ADGRB3: variants seen among roughly 807,000 people sequenced by gnomAD.
ADGRB3 encodes the protein brain-specific angiogenesis inhibitor 3.
ADGRB3 carries 37 observed loss-of-function variants against 193.4 expected under a neutral mutation model. The ratio of observed to expected loss-of-function variants is 0.19; its 90% CI spans 0.15 to 0.25. The LOEUF is 0.25. Among genes scored for constraint, ADGRB3 ranks in the 10% least tolerant of loss-of-function variants. ADGRB3 has a pLI of 1.00. For synonymous variants in ADGRB3, 690 were observed against 644.2 expected (o/e 1.07, Z -1.08); for missense variants, 1,637 against 1,852.9 (o/e 0.88, Z 2.14).
chr6:69,182,874 A>G (rs1429520967), intron 17 of ADGRB3, among the ~76,000 whole-genome samples: 1 of 152,102 alleles, frequency 6.6e-6, no homozygotes, highest in African/African-American at 2.4e-5. Flanking sequence ...AGATATATGC[A>G]CAGTTGATTC....
At chr6:68,768,626 C>T (rs949295755) in intron 3 of ADGRB3, among the ~76,000 whole-genome samples, 1 of 152,112 alleles carries the variant, frequency 6.6e-6, no homozygotes, top group Non-Finnish European at 1.5e-5. Context: ...AGGACATAGG[C>T]ATGGGCAAAG....
In ADGRB3 at chr6:68,949,537, C is replaced by CT. The variant is rs1767860612; in HGVS notation, c.1195+5544dup. The stretch of plus-strand genomic sequence containing the variant: ...AGCATCTATGGGAGGATGCCCTGCC[C>CT]TCAGTCTCTCTGCAGGGTGCCCTTC... On this transcript the variant is annotated intron_variant, in intron 6 of 31. Coordinates refer to ENST00000370598, the MANE Select transcript of ADGRB3 (RefSeq NM_001704.3). Among the ~76,000 whole-genome samples, 3 of 152,140 alleles carry CT rather than the reference C, an allele frequency of 2.0e-5. No individual in the cohort carries two copies. The South Asian group carries it at 6.2e-4, about 31-fold the overall frequency.
intron 3 of ADGRB3, among the ~76,000 whole-genome samples, chr6:68,915,711 G>A (rs781217632): frequency 1.9e-4 from 29 of 152,040 alleles, no homozygotes; most frequent in Non-Finnish European, 4.1e-4. Flanking sequence ...CTACTCAGTG[G>A]CCTGGGAAAC....
At chr6:68,901,873 G>A (rs1347414904) in intron 3 of ADGRB3, among the ~76,000 whole-genome samples, 1 of 151,908 alleles carries the variant, frequency 6.6e-6, no homozygotes, top group Non-Finnish European at 1.5e-5. Flanking sequence ...GTTAAGATTT[G>A]TTTTTTTCAA....
At chr6:68,836,296 A>C (rs1333173252) in intron 3 of ADGRB3, among the ~76,000 whole-genome samples, 1 of 151,946 alleles carries the variant, frequency 6.6e-6, no homozygotes, top group Non-Finnish European at 1.5e-5. Context: ...TGAAGAGTGT[A>C]TGTTACCTGA....
intron 3 of ADGRB3, among the ~76,000 whole-genome samples, chr6:68,865,115 T>C (rs771200346): frequency 1.3e-5 from 2 of 152,120 alleles, no homozygotes; most frequent in African/African-American, 2.4e-5. Flanking sequence ...TATTCAAAAA[T>C]ATAATAAAAT....
intron 3 of ADGRB3, among the ~76,000 whole-genome samples, chr6:68,884,005 T>G (rs1337365007): frequency 1.3e-5 from 2 of 151,136 alleles, no homozygotes; most frequent in Admixed American, 6.6e-5. Context: ...AAAGCAGAAT[T>G]AAAAGATATT....
chr6:68,811,152 T>G (rs1008739545), intron 3 of ADGRB3, among the ~76,000 whole-genome samples: 4 of 152,150 alleles, frequency 2.6e-5, no homozygotes, highest in Non-Finnish European at 4.4e-5. Context: ...TTGATTTTAA[T>G]GCCTGAACAT....
intron 17 of ADGRB3, among the ~76,000 whole-genome samples, chr6:69,194,178 A>G (rs1260958752): frequency 6.6e-6 from 1 of 152,106 alleles, no homozygotes; most frequent in Non-Finnish European, 1.5e-5. Flanking sequence ...TTTAAATGTC[A>G]TATGATAGAT....
intron 8 of ADGRB3, among the ~76,000 whole-genome samples, chr6:68,963,315 T>G (rs1768285639): frequency 6.6e-6 from 1 of 152,158 alleles, no homozygotes; most frequent in South Asian, 2.1e-4. Context: ...TGGCAGTTCA[T>G]GTACTCTGTT....
chr6:69,318,543 C>T (rs768747512), intron 20 of ADGRB3, among the ~76,000 whole-genome samples: 44 of 151,206 alleles, frequency 2.9e-4, no homozygotes, highest in Non-Finnish European at 4.6e-4. Context: ...TTGCTCATTT[C>T]GATATCAATG....
chr6:68,913,507 A>G (rs960030129), intron 3 of ADGRB3, among the ~76,000 whole-genome samples: 7 of 152,176 alleles, frequency 4.6e-5, no homozygotes, highest in African/African-American at 7.2e-5. Flanking sequence ...GAAAACTAAC[A>G]AACAGAAAGG....
In ADGRB3 at chr6:69,233,374, T is replaced by A; in HGVS notation, c.2565T>A (p.Arg855=). Residue 855 remains arginine (R), a synonymous_variant, in exon 18 of 32, where the codon CGT becomes CGA. Coordinates refer to ENST00000370598, the MANE Select transcript of ADGRB3 (RefSeq NM_001704.3). Reference sequence around the variant, plus strand: ...CCCATACGAAATGCTTATGTGATCGTCTCTCTACCTTCGCCATTTTGGCTC... The same window carrying A: ...CCCATACGAAATGCTTATGTGATCGACTCTCTACCTTCGCCATTTTGGCTC... The part of the protein sequence containing the change: ...DASHTKCLCD[R]LSTFAILAQQ... 6.2e-7 allele frequency: 1 copy of A among 1,614,104 alleles called. No individual in the cohort carries two copies. The highest frequency in any genetic ancestry group is 8.5e-7 in the Non-Finnish European group (1 of 1,180,018).
At chr6:69,332,842 T>C in intron 23 of ADGRB3, 81 bp from the exon 24 acceptor site, 2 of 1,565,044 alleles carry the variant, frequency 1.3e-6, no homozygotes, top group Non-Finnish European at 1.7e-6. Flanking sequence ...TATGAATTGA[T>C]AAAAATAGGA....
At chr6:68,829,353 C>T (rs1211869684) in intron 3 of ADGRB3, among the ~76,000 whole-genome samples, 3 of 151,958 alleles carry the variant, frequency 2.0e-5, no homozygotes, top group South Asian at 2.1e-4. Context: ...CCACCCACCT[C>T]GGCTTCCCAC....
chr6:69,253,095 C>T (rs1766660862), intron 20 of ADGRB3, among the ~76,000 whole-genome samples: 1 of 151,982 alleles, frequency 6.6e-6, no homozygotes, highest in African/African-American at 2.4e-5. Context: ...AATCAGTTGA[C>T]TGTATGTGTG....
At chr6:68,889,363 G>A (rs1360162300) in intron 3 of ADGRB3, among the ~76,000 whole-genome samples, 1 of 152,076 alleles carries the variant, frequency 6.6e-6, no homozygotes, top group Non-Finnish European at 1.5e-5. Context: ...CCTGAATTTT[G>A]TTGATGGCTG....
intron 3 of ADGRB3, among the ~76,000 whole-genome samples, chr6:68,924,104 A>C (rs1001918751): frequency 1.3e-5 from 2 of 152,084 alleles, no homozygotes; most frequent in African/African-American, 4.8e-5. Context: ...TGTGCTTCTC[A>C]TCACCAACAA....
At chr6:68,780,686 G>T (rs892497629) in intron 3 of ADGRB3, among the ~76,000 whole-genome samples, 20 of 151,810 alleles carry the variant, frequency 1.3e-4, no homozygotes, top group Non-Finnish European at 2.4e-4. Context: ...AAGCACAAGG[G>T]TTTTTTTTAA....
Sources: gnomAD v4.1 joint callset for allele counts (sites outside exome capture counted in the v4.1 genomes callset) on GRCh38, gnomAD v4.1.1 for gene constraint, MANE v1.5 for transcripts, NCBI Gene and HGNC (gene_info 2026-07-23, HGNC 2026-07-21) for gene names.